Variants in TAOK1 observed in about 807,000 individuals in gnomAD.
The protein encoded by TAOK1 is serine/threonine-protein kinase TAO1.
A neutral mutation model predicts 138.3 loss-of-function variants in TAOK1; 21 were observed. The observed-to-expected ratio is 0.15, with a 90% CI of 0.11 to 0.22. The LOEUF (loss-of-function observed/expected upper bound fraction) is 0.22, where lower values mean the gene tolerates loss of function less well. Among genes scored for constraint, TAOK1 ranks in the 10% least tolerant of loss-of-function variants. TAOK1 has a pLI of 1.00. For missense variants in TAOK1, 651 were observed against 1,227.7 expected (o/e 0.53, Z 7.02); for synonymous variants, 361 against 398.4 (o/e 0.91, Z 1.12).
chr17:29,517,448 G>C lies in TAOK1; in HGVS notation c.1705-5G>C, dbSNP rs1365006752. On this transcript the variant is annotated splice_polypyrimidine_tract_variant and splice_region_variant and intron_variant, in intron 15 of 19. Coordinates refer to ENST00000261716, the MANE Select transcript of TAOK1 (RefSeq NM_020791.4). ...TTTTACCTGAGTTGTTTTTTATGTT[G>C]CCAGGAGCTAAATGAAAACCAGAGT... is the stretch of plus-strand genomic sequence containing the variant. The C allele has an allele frequency of 1.4e-5, 22 of 1,612,336 alleles. No homozygotes were observed. Among genetic ancestry groups the C allele is most frequent in the Non-Finnish European group, 1.8e-5 (21 of 1,179,694 alleles).
intron 18 of TAOK1, 50 bp from the exon 19 acceptor site, chr17:29,534,068 G>A (rs2032180156): frequency 3.3e-6 from 5 of 1,498,940 alleles, no homozygotes; most frequent in Non-Finnish European, 4.4e-6. Context: ...TGAATTGATA[G>A]CTAACATTAG....
rs556939862 is a variant in TAOK1 at position 29,440,692 on chromosome 17, C to T, written c.-94-10763C>T. On this transcript the variant is annotated intron_variant, in intron 1 of 19. Coordinates refer to ENST00000261716, the MANE Select transcript of TAOK1 (RefSeq NM_020791.4). ...CTGGGTTCAAGCAATTCTCCTGCCTCAGCCTCCTGAGTAGCTGGGATTACA... is the reference window on the plus strand; with the variant it reads ...CTGGGTTCAAGCAATTCTCCTGCCTTAGCCTCCTGAGTAGCTGGGATTACA... Among the ~76,000 whole-genome samples the T allele has an allele frequency of 3.3e-5, 5 of 152,190 alleles. No individual in the cohort carries two copies. The East Asian group carries it at 9.7e-4, about 29-fold the overall frequency.
At chr17:29,464,591 T>A (rs139446966) in intron 2 of TAOK1, among the ~76,000 whole-genome samples, 1 of 152,328 alleles carries the variant, frequency 6.6e-6, no homozygotes, top group East Asian at 1.9e-4. Flanking sequence ...ATAAAGCTGT[T>A]ATATGACCTT....
chr17:29,430,610 T>C (rs1433640343), intron 1 of TAOK1, among the ~76,000 whole-genome samples: 2 of 152,172 alleles, frequency 1.3e-5, no homozygotes, highest in Admixed American at 6.5e-5. Flanking sequence ...GGTCCTTTTG[T>C]TACTTAGGCA....
rs117803595 is a variant in TAOK1, at chr17:29,451,936, C to T, written c.132+256C>T. ...ATGAGAAAGAATATTATTTTGTGGG[C>T]CAGGCTTGGTGGCTCACGCCTGTAA... On this transcript the variant is annotated intron_variant, in intron 2 of 19. Transcript: ENST00000261716. Among the ~76,000 whole-genome samples the T allele has an allele frequency of 2.6e-4, 40 of 152,218 alleles. No individual in the cohort carries two copies. The East Asian group carries it at 5.6e-3, about 21-fold the overall frequency.
chr17:29,399,828 T>TG (rs1444771903), intron 1 of TAOK1, among the ~76,000 whole-genome samples: 1 of 151,990 alleles, frequency 6.6e-6, no homozygotes, highest in Non-Finnish European at 1.5e-5. Context: ...TCTTCTGGAC[T>TG]TAGCGATCCT....
chr17:29,517,784 G>A (rs976841286), intron 16 of TAOK1, 128 bp downstream of exon 16: 2 of 822,534 alleles, frequency 2.4e-6, no homozygotes, highest in African/African-American at 1.7e-5. Flanking sequence ...TTCTTCCCCA[G>A]ATATTCACAT....
chr17:29,467,287 T>A, intron 3 of TAOK1, 71 bp downstream of exon 3: 1 of 969,958 alleles, frequency 1.0e-6, no homozygotes. Context: ...ATTCTTTTTT[T>A]TTTTGAGACT....
At chr17:29,435,554 A>G (rs921250683) in intron 1 of TAOK1, among the ~76,000 whole-genome samples, 2 of 152,140 alleles carry the variant, frequency 1.3e-5, no homozygotes, top group Non-Finnish European at 2.9e-5. Flanking sequence ...TAAGGTCCCA[A>G]GATAAACTTG....
intron 1 of TAOK1, among the ~76,000 whole-genome samples, chr17:29,409,331 A>ATTTT (rs1186189891): frequency 1.3e-4 from 8 of 60,298 alleles, no homozygotes; most frequent in Non-Finnish European, 2.3e-4. Context: ...ATATATATAT[A>ATTTT]TATTTTTTTT....
rs1167767340 is a variant in TAOK1, at chr17:29,424,431, C to T, written c.-94-27024C>T. Among the ~76,000 whole-genome samples the T allele has an allele frequency of 4.6e-5, 6 of 131,440 alleles. No individual in the cohort carries two copies. In the East Asian group the frequency reaches 1.4e-3, roughly 31 times the overall value. 86.2% of individuals were successfully genotyped at this position (131,440 alleles called of 152,430 possible). ...CAGCCTTGGCAACAGAGCGAGACTC[C>T]CTCTCAAAAAAAAAAAAAAAAAAAA... On this transcript the variant is annotated intron_variant, in intron 1 of 19. Transcript: ENST00000261716.
intron 1 of TAOK1, among the ~76,000 whole-genome samples, chr17:29,405,954 G>A (rs1904979776): frequency 6.6e-6 from 1 of 152,102 alleles, no homozygotes; most frequent in South Asian, 2.1e-4. Flanking sequence ...TTTTTTTGGT[G>A]TGTTATTTTG....
intron 3 of TAOK1, 75 bp downstream of exon 3, chr17:29,467,291 T>G (rs74732684): frequency 2.3e-6 from 2 of 874,600 alleles, no homozygotes; most frequent in Non-Finnish European, 3.4e-6. Context: ...TTTTTTTTTT[T>G]GAGACTGAGT....
At chr17:29,529,798 C>G (rs937443646) in intron 17 of TAOK1, among the ~76,000 whole-genome samples, 2 of 150,696 alleles carry the variant, frequency 1.3e-5, no homozygotes, top group Admixed American at 6.7e-5. Context: ...CTCAGGGAGG[C>G]GGCGGTTGCA....
chr17:29,510,999 A>G lies in TAOK1; in HGVS notation c.1704+7A>G, dbSNP rs2031709951. Reference sequence around the variant, plus strand: ...AAAAGAGCAGCTTAAAGAGGTACTTATGTCATAAAACTTTCCAAGCAAATT... The same window carrying G: ...AAAAGAGCAGCTTAAAGAGGTACTTGTGTCATAAAACTTTCCAAGCAAATT... On this transcript the variant is annotated splice_region_variant and intron_variant, in intron 15 of 19. Transcript: ENST00000261716. 2 of 1,582,808 alleles carry G rather than the reference A, an allele frequency of 1.3e-6. No homozygotes were observed. Among genetic ancestry groups the G allele is most frequent in the Non-Finnish European group, 1.7e-6 (2 of 1,169,842 alleles).
At chr17:29,444,820 TA>T in intron 1 of TAOK1, among the ~76,000 whole-genome samples, 1 of 152,366 alleles carries the variant, frequency 6.6e-6, no homozygotes, top group South Asian at 2.1e-4. Flanking sequence ...TGTCTCCATT[TA>T]ATTAGGTTGA....
chr17:29,544,826 A>G lies in TAOK1; in HGVS notation c.*1804A>G, dbSNP rs1201708980. On this transcript the variant is annotated 3_prime_UTR_variant, in exon 20 of 20. Transcript: ENST00000261716. ...CTTTTCCTATAGTCAGAGGGCTCCA[A>G]GGTAGAACTCTCTAAGTCCCTCTCA... 6.6e-6 allele frequency: 1 copy of G among 152,224 alleles called. No individual in the cohort carries two copies. Among genetic ancestry groups the G allele is most frequent in the Non-Finnish European group, 1.5e-5 (1 of 68,050 alleles). 9.4% of individuals were successfully genotyped at this position (152,224 alleles called of 1,614,324 possible). A position where few individuals can be genotyped will look rare whatever the true frequency, so the allele number is the denominator to read the frequency against.
chr17:29,402,721 A>C (rs569586766), intron 1 of TAOK1, among the ~76,000 whole-genome samples: 125 of 152,214 alleles, frequency 8.2e-4, no homozygotes, highest in African/African-American at 2.9e-3. Flanking sequence ...TTATGTGACT[A>C]ATTAAGTATA....
chr17:29,509,143 G>C (rs2031675166), intron 14 of TAOK1, among the ~76,000 whole-genome samples: 1 of 151,866 alleles, frequency 6.6e-6, no homozygotes, highest in Non-Finnish European at 1.5e-5. Context: ...CTGGGCATTG[G>C]ATATTTTCAT....
Sources: allele counts gnomAD v4.1 joint callset (sites outside exome capture counted in the v4.1 genomes callset), GRCh38; gene constraint gnomAD v4.1.1; transcripts MANE v1.5; gene names NCBI Gene and HGNC (gene_info 2026-07-23, HGNC 2026-07-21).